The following USP39 variants were observed in gnomAD, a reference collection of about 807,000 sequenced individuals.
USP39 encodes the protein ubiquitin carboxyl-terminal hydrolase 39.
Under a neutral mutation model 66.4 loss-of-function variants are expected in USP39, and 38 were observed. The ratio of observed to expected loss-of-function variants is 0.57; its 90% confidence interval spans 0.44 to 0.75. The LOEUF (loss-of-function observed/expected upper bound fraction) is 0.75, where lower values mean the gene tolerates loss of function less well. Ranked by LOEUF, USP39 falls within the 30% of genes least tolerant of loss-of-function variation. USP39 has a pLI of 0.00. For missense variants in USP39, 608 were observed against 714.4 expected (o/e 0.85, Z 1.70); for synonymous variants, 303 against 274.6 (o/e 1.10, Z -1.02).
chr2:85,615,788 G>C (rs1673877618), upstream of USP39, among the ~76,000 whole-genome samples: 1 of 152,298 alleles, frequency 6.6e-6, no homozygotes, highest in Admixed American at 6.5e-5. Flanking sequence ...GCGCCACAAT[G>C]CCGGGCTAAT....
At chr2:85,616,594 G>C in intron 1 of USP39, 131 bp downstream of exon 1, 1 of 1,370,916 alleles carries the variant, frequency 7.3e-7, no homozygotes, top group South Asian at 1.7e-5. Context: ...AGAAGAGGAG[G>C]GATCCAGACT....
Position 85,640,970 on chromosome 2 carries a change from C to T in USP39, c.1285-6C>T. 1.9e-6 allele frequency: 3 copies of T among 1,597,516 alleles called. No individual in the cohort carries two copies. The highest frequency in any genetic ancestry group is 2.6e-6 in the Non-Finnish European group (3 of 1,175,260). ...CTAATTTGAGAATTTTCTTTTCTTT[C>T]TCTAGGAATATAAGACTTACAAGGA... On this transcript the variant is annotated splice_region_variant and splice_polypyrimidine_tract_variant and intron_variant, in intron 9 of 12. Coordinates refer to ENST00000323701, the MANE Select transcript of USP39 (RefSeq NM_006590.4).
chr2:85,609,429 G>T (rs1368128324), upstream of USP39: 1 of 1,613,798 alleles, frequency 6.2e-7, no homozygotes, highest in Non-Finnish European at 8.5e-7. Context: ...TTTCCACCAG[G>T]CGTACCTGAT....
rs200865646 is a variant in USP39, at chr2:85,639,281, A to T, written c.1174A>T (p.Thr392Ser). The T allele has an allele frequency of 6.2e-7, 1 of 1,613,934 alleles. No homozygotes were observed. The highest frequency in any genetic ancestry group is 2.2e-5 in the East Asian group (1 of 44,872). ...GGTGGAGTCCACTTTTATGTACCTG[A>T]CGCTGGACCTTCCTACTGCCCCCCT... Reference protein sequence around the residue: ...TMVESTFMYLTLDLPTAPLYK... With the variant: ...TMVESTFMYLSLDLPTAPLYK... The change falls in exon 9 of 13, where the codon ACG becomes TCG. Residue 392 changes from threonine (T) to serine (S), a missense_variant. Around this residue, in one of 6 missense-constraint regions of USP39, gnomAD observed 164 missense variants for 250.3 expected, o/e 0.66. Transcript: ENST00000323701.
chr2:85,603,694 C>G (rs1673095471), intron 1 of USP39, among the ~76,000 whole-genome samples: 2 of 151,848 alleles, frequency 1.3e-5, no homozygotes, highest in Admixed American at 1.3e-4. Context: ...CGGGTTCACG[C>G]CATTCTCCTG....
chr2:85,640,187 A>C (rs1676115855), intron 9 of USP39, among the ~76,000 whole-genome samples: 1 of 151,572 alleles, frequency 6.6e-6, no homozygotes, highest in Non-Finnish European at 1.5e-5. Context: ...CCCCTCTTGT[A>C]CTTCTCATAT....
At chr2:85,611,588 G>T (rs552219792), upstream of USP39, 3 of 1,552,328 alleles carry the variant, frequency 1.9e-6, no homozygotes, top group African/African-American at 2.7e-5. Flanking sequence ...GGAGTAAGAA[G>T]TGGTTTTTCC....
At chr2:85,611,830 A>T (rs746104852), upstream of USP39, 36 of 1,605,072 alleles carry the variant, frequency 2.2e-5, no homozygotes, top group Non-Finnish European at 2.5e-6. Flanking sequence ...GGGCCGGGCC[A>T]GGCCAGGCCA....
chr2:85,614,610 C>G (rs1673789401), upstream of USP39, among the ~76,000 whole-genome samples: 1 of 152,166 alleles, frequency 6.6e-6, no homozygotes, highest in Non-Finnish European at 1.5e-5. Context: ...ACCATGGCTA[C>G]AATGCTTGTT....
At chr2:85,620,160 C>G (rs888666445) in intron 2 of USP39, among the ~76,000 whole-genome samples, 1 of 150,852 alleles carries the variant, frequency 6.6e-6, no homozygotes, top group Non-Finnish European at 1.5e-5. Context: ...GCCCAGCCAA[C>G]GAGACCCATC....
At chr2:85,631,161 C>T (rs1417483649) in intron 6 of USP39, among the ~76,000 whole-genome samples, 4 of 151,916 alleles carry the variant, frequency 2.6e-5, no homozygotes, top group Non-Finnish European at 2.9e-5. Flanking sequence ...ACTATAGGCA[C>T]GCACCACCAC....
At chr2:85,605,645 A>C (rs1673186025) in intron 1 of USP39, among the ~76,000 whole-genome samples, 1 of 152,212 alleles carries the variant, frequency 6.6e-6, no homozygotes, top group Non-Finnish European at 1.5e-5. Context: ...TAGGAAAATA[A>C]TCTGTACTTA....
intron 2 of USP39, among the ~76,000 whole-genome samples, chr2:85,619,619 A>C (rs959106160): frequency 2.0e-5 from 3 of 150,740 alleles, no homozygotes; most frequent in African/African-American, 7.3e-5. Context: ...AAAACACAGA[A>C]ATTTGTTTGA....
At chr2:85,621,267 G>A (rs928018275) in intron 2 of USP39, 3 of 452,228 alleles carry the variant, frequency 6.6e-6, no homozygotes, top group African/African-American at 1.9e-5. Flanking sequence ...AAAGAGGCTC[G>A]TGGGTATTAT....
At chr2:85,623,826 GC>G in intron 4 of USP39, 44 bp downstream of exon 4, 1 of 1,567,622 alleles carries the variant, frequency 6.4e-7, no homozygotes, top group Non-Finnish European at 8.7e-7. Flanking sequence ...TCTTTAATGA[GC>G]CATCCCAGGG....
intron 6 of USP39, among the ~76,000 whole-genome samples, chr2:85,634,626 G>T (rs1307085543): frequency 6.6e-6 from 1 of 152,184 alleles, no homozygotes; most frequent in African/African-American, 2.4e-5. Flanking sequence ...CAGCCTGTTT[G>T]TGTGCTTTGT....
chr2:85,611,468 C>T (rs755311181), upstream of USP39: 2 of 1,547,304 alleles, frequency 1.3e-6, no homozygotes, highest in Non-Finnish European at 1.7e-6. Context: ...GACAGCGATG[C>T]TTAACTGGGG....
At chr2:85,623,396 A>C (rs1674611759) in intron 3 of USP39, among the ~76,000 whole-genome samples, 2 of 150,712 alleles carry the variant, frequency 1.3e-5, no homozygotes, top group African/African-American at 4.9e-5. Flanking sequence ...TATATTAAAA[A>C]ATAGTGAAAT....
At chr2:85,620,255 CAGA>C (rs1558850539) in intron 2 of USP39, among the ~76,000 whole-genome samples, 1 of 151,852 alleles carries the variant, frequency 6.6e-6, no homozygotes, top group African/African-American at 2.4e-5. Context: ...CTGAGGCAGG[CAGA>C]TTGCTTGAGC....
Sources: allele counts gnomAD v4.1 joint callset (sites outside exome capture counted in the v4.1 genomes callset), GRCh38; gene constraint gnomAD v4.1.1; regional missense constraint gnomAD v4.1.1; transcripts MANE v1.5; gene names NCBI Gene and HGNC (gene_info 2026-07-23, HGNC 2026-07-21).